Variants in PLVAP observed in about 807,000 individuals in gnomAD.
The protein encoded by PLVAP is plasmalemma vesicle-associated protein.
In PLVAP, 34 loss-of-function variants were observed where a neutral mutation model predicts 43.1. The observed-to-expected ratio is 0.79, with a 90% CI of 0.60 to 1.05. PLVAP has a LOEUF of 1.05. Ranked by LOEUF, PLVAP falls within the 50% of genes least tolerant of loss-of-function variation. The probability of loss-of-function intolerance (pLI) is 0.00; values close to 1 mark genes in which losing one functional copy is unlikely to be tolerated. For missense variants in PLVAP, 574 were observed against 593.4 expected (o/e 0.97, Z 0.34); for synonymous variants, 241 against 237.3 (o/e 1.02, Z -0.14).
intron 5 of PLVAP, 91 bp from the exon 6 acceptor site, chr19:17,352,459 G>A: frequency 6.9e-7 from 1 of 1,442,612 alleles, no homozygotes; most frequent in Non-Finnish European, 9.7e-7. Context: ...CCTCAGCGGG[G>A]ACACAACATC....
chr19:17,366,018 G>A lies in PLVAP; in HGVS notation c.467-20C>T, dbSNP rs764379820. The A allele has an allele frequency of 6.8e-6, 11 of 1,611,580 alleles. No homozygotes were observed. Among genetic ancestry groups the A allele is most frequent in the South Asian group, 2.2e-5 (2 of 90,992 alleles). Reference sequence around the variant, plus strand: ...GCAAGGCTAAGGAAAACAGGACCAGGAGACCCAGGAAGATTGGGGGCTGCC... The same window carrying A: ...GCAAGGCTAAGGAAAACAGGACCAGAAGACCCAGGAAGATTGGGGGCTGCC... On this transcript the variant is annotated intron_variant, in intron 2 of 5. Transcript: ENST00000252590.
At position 17,365,910 on chromosome 19, in the gene PLVAP, G is replaced by T; in HGVS notation, c.555C>A (p.Ser185Arg). Reference sequence around the variant, plus strand: ...CCGCCACGCGTTTGTTCAGCAGCACGCTTTCCTTATCCTTAGTGCAAATGG... The same window carrying T: ...CCGCCACGCGTTTGTTCAGCAGCACTCTTTCCTTATCCTTAGTGCAAATGG... ...EKTICTKDKESVLLNKRVAEE... is the reference protein window; with the variant it reads ...EKTICTKDKERVLLNKRVAEE... Residue 185 changes from serine (S) to arginine (R), a missense_variant, in exon 3 of 6, where the codon AGC becomes AGA. Transcript: ENST00000252590. 3 of 1,614,004 alleles carry T rather than the reference G, an allele frequency of 1.9e-6. No individual in the cohort carries two copies. The highest frequency in any genetic ancestry group is 2.5e-6 in the Non-Finnish European group (3 of 1,180,018).
chr19:17,371,675 G>T (rs926471142), intron 1 of PLVAP, among the ~76,000 whole-genome samples: 8 of 151,862 alleles, frequency 5.3e-5, no homozygotes, highest in African/African-American at 1.7e-4. Flanking sequence ...TAGAGATGGG[G>T]TCTCACCATG....
At chr19:17,366,071 C>T (rs1390025392) in intron 2 of PLVAP, 28 bp downstream of exon 2, 10 of 1,612,524 alleles carry the variant, frequency 6.2e-6, no homozygotes, top group Admixed American at 5.0e-5. Context: ...AGTCCACCAC[C>T]CCGGCTCCCT....
At chr19:17,359,123 T>TA (rs2074517692) in intron 5 of PLVAP, among the ~76,000 whole-genome samples, 1 of 150,152 alleles carries the variant, frequency 6.7e-6, no homozygotes, top group East Asian at 2.0e-4. Flanking sequence ...ATTTATTATT[T>TA]TTATTTTTAT....
intron 1 of PLVAP, among the ~76,000 whole-genome samples, chr19:17,375,425 A>G (rs757408304): frequency 3.9e-5 from 6 of 152,174 alleles, no homozygotes; most frequent in Non-Finnish European, 5.9e-5. Flanking sequence ...TTTCAAAATT[A>G]TATCTCAAAT....
At chr19:17,357,590 G>A (rs1187726634) in intron 5 of PLVAP, among the ~76,000 whole-genome samples, 1 of 152,124 alleles carries the variant, frequency 6.6e-6, no homozygotes, top group Non-Finnish European at 1.5e-5. Context: ...TTTGAGCCCA[G>A]GAGTTCGAGG....
At chr19:17,363,120 G>A (rs1243694554) in intron 3 of PLVAP, among the ~76,000 whole-genome samples, 1 of 152,200 alleles carries the variant, frequency 6.6e-6, no homozygotes, top group East Asian at 1.9e-4. Flanking sequence ...CAGTGGGGAT[G>A]TGTGCCAGTT....
chr19:17,361,204 C>T (rs1239353629), intron 3 of PLVAP, among the ~76,000 whole-genome samples: 1 of 152,176 alleles, frequency 6.6e-6, no homozygotes, highest in East Asian at 1.9e-4. Flanking sequence ...GCATGAACCA[C>T]TGCACCCGGC....
At chr19:17,356,324 A>AT (rs1166073362) in intron 5 of PLVAP, among the ~76,000 whole-genome samples, 2 of 151,686 alleles carry the variant, frequency 1.3e-5, no homozygotes, top group African/African-American at 4.8e-5. Context: ...AAAAAGAAAG[A>AT]TTTTTTTTCC....
chr19:17,352,466 C>T, intron 5 of PLVAP, 98 bp from the exon 6 acceptor site: 1 of 1,386,032 alleles, frequency 7.2e-7, no homozygotes, highest in Non-Finnish European at 1.0e-6. Flanking sequence ...GGGGACACAA[C>T]ATCCTGGGGA....
Position 17,365,941 on chromosome 19 carries a change from TCC to T in PLVAP, c.522_523del (p.Lys176AspfsTer5). On this transcript the variant is annotated frameshift_variant, in exon 3 of 6. Coordinates refer to ENST00000252590, the MANE Select transcript of PLVAP (RefSeq NM_031310.3). LOFTEE classifies it high-confidence loss of function. ...CTTATCCTTAGTGCAAATGGTCTTC[TCC>T]TTGGCTATCTCCACCTCCAGCGTCT... 1.2e-6 allele frequency: 2 copies of T among 1,614,034 alleles called. No individual in the cohort carries two copies. Among genetic ancestry groups the T allele is most frequent in the Non-Finnish European group, 1.7e-6 (2 of 1,180,002 alleles).
intron 1 of PLVAP, among the ~76,000 whole-genome samples, chr19:17,371,626 G>A (rs2074572468): frequency 6.6e-6 from 1 of 152,026 alleles, no homozygotes; most frequent in Non-Finnish European, 1.5e-5. Context: ...AAGTAGCTGG[G>A]ATTACAGGCA....
At chr19:17,366,033 T>TG in intron 2 of PLVAP, 35 bp from the exon 3 acceptor site, 1 of 1,611,544 alleles carries the variant, frequency 6.2e-7, no homozygotes, top group Non-Finnish European at 8.5e-7. Flanking sequence ...CCAGGAAGAT[T>TG]GGGGGCTGCC....
chr19:17,364,288 G>A (rs1286674967), intron 3 of PLVAP, among the ~76,000 whole-genome samples: 1 of 151,944 alleles, frequency 6.6e-6, no homozygotes, highest in East Asian at 1.9e-4. Flanking sequence ...GTTTCACCGT[G>A]TTGCCCAGGC....
intron 5 of PLVAP, among the ~76,000 whole-genome samples, chr19:17,355,456 C>T (rs562857592): frequency 1.1e-4 from 17 of 151,064 alleles, no homozygotes; most frequent in Admixed American, 2.6e-4. Context: ...TTGAACTCCT[C>T]GGCTCAAGCA....
chr19:17,368,449 T>C (rs964873733), intron 1 of PLVAP, among the ~76,000 whole-genome samples: 1 of 151,890 alleles, frequency 6.6e-6, no homozygotes, highest in South Asian at 2.1e-4. Context: ...TGACCTCAGG[T>C]GATTCGCCCC....
chr19:17,352,148 T>C lies in PLVAP; in HGVS notation c.*214A>G. The C allele has an allele frequency of 1.6e-6, 1 of 620,200 alleles. No individual in the cohort carries two copies. Among genetic ancestry groups the C allele is most frequent in the South Asian group, 2.0e-5 (1 of 49,200 alleles). The allele number at this position is 620,200 out of a possible 1,614,324, so 38.4% of individuals were successfully genotyped here. On this transcript the variant is annotated 3_prime_UTR_variant, in exon 6 of 6. Transcript: ENST00000252590. ...CAGCGCCGTTGCTTGCGTGACGTCA[T>C]CTCCGCGGCCGTGTGCTCTGGGTGA...
chr19:17,367,640 C>T (rs1190967621), intron 1 of PLVAP, among the ~76,000 whole-genome samples: 2 of 152,124 alleles, frequency 1.3e-5, no homozygotes, highest in African/African-American at 2.4e-5. Context: ...CCGCCTATCT[C>T]GGCCTCCCAA....
Sources: allele counts gnomAD v4.1 joint callset (sites outside exome capture counted in the v4.1 genomes callset), GRCh38; gene constraint gnomAD v4.1.1; transcripts MANE v1.5; gene names NCBI Gene and HGNC (gene_info 2026-07-23, HGNC 2026-07-21).